Variants in RYK observed in about 807,000 individuals in gnomAD.
RYK encodes the protein inactive tyrosine-protein kinase RYK.
In RYK, 21 loss-of-function variants were observed where a neutral mutation model predicts 70.2. The observed-to-expected ratio is 0.30, with a 90% CI of 0.21 to 0.43. The LOEUF is 0.43. RYK is among the 20% of genes least tolerant of loss of function. The pLI, the probability that RYK is intolerant of heterozygous loss-of-function variation, is 1.00. For synonymous variants in RYK, 267 were observed against 278.0 expected (o/e 0.96, Z 0.39); for missense variants, 604 against 753.3 (o/e 0.80, Z 2.32).
At chr3:134,200,339 G>T (rs1252063690) in intron 6 of RYK, among the ~76,000 whole-genome samples, 1 of 152,070 alleles carries the variant, frequency 6.6e-6, no homozygotes, top group Non-Finnish European at 1.5e-5. Context: ...ACCTTTAAGA[G>T]CTATAACACT....
intron 9 of RYK, among the ~76,000 whole-genome samples, chr3:134,187,539 T>TA (rs2013503986): frequency 6.6e-6 from 1 of 152,102 alleles, no homozygotes; most frequent in South Asian, 2.1e-4. Flanking sequence ...AAATAAGACT[T>TA]ACCTCAGAAT....
At chr3:134,246,642 T>C (rs2015476238) in intron 1 of RYK, among the ~76,000 whole-genome samples, 1 of 152,044 alleles carries the variant, frequency 6.6e-6, no homozygotes. Context: ...TATGAAAAAA[T>C]GTATTTCTAC....
chr3:134,196,582 AACACACACACACACACACAC>A lies in RYK; in HGVS notation c.789-1420_789-1401del, dbSNP rs57185535. ...TAGTGAGACCCTGTCTCTGAAACAA[AACACACACACACACACACAC>A]ACACACACACACACACACACACACA... On this transcript the variant is annotated intron_variant, in intron 6 of 14. Transcript: ENST00000623711. Among the ~76,000 whole-genome samples, 14 of 128,496 alleles carry A rather than the reference AACACACACACACACACACAC, an allele frequency of 1.1e-4. No homozygotes were observed. The East Asian group carries it at 1.5e-3, about 14-fold the overall frequency. The allele number at this position is 128,496 out of a possible 152,430, so 84.3% of individuals were successfully genotyped here.
intron 10 of RYK, among the ~76,000 whole-genome samples, chr3:134,181,969 T>C (rs1398508420): frequency 1.3e-5 from 2 of 152,054 alleles, no homozygotes; most frequent in Non-Finnish European, 2.9e-5. Flanking sequence ...ATCGAGACCA[T>C]CGTGGCTAAC....
chr3:134,210,509 T>C (rs930327118), intron 3 of RYK, among the ~76,000 whole-genome samples: 1 of 152,218 alleles, frequency 6.6e-6, no homozygotes, highest in Non-Finnish European at 1.5e-5. Context: ...TTACTGCCCA[T>C]AAAAATTTAA....
chr3:134,223,435 T>G (rs1246522658), intron 1 of RYK, among the ~76,000 whole-genome samples: 7 of 152,100 alleles, frequency 4.6e-5, no homozygotes, highest in African/African-American at 1.7e-4. Flanking sequence ...TACTTTTCAG[T>G]GGCAAATCAA....
rs189855084 is a variant in RYK at position 134,230,594 on chromosome 3, T to C, written c.233-8055A>G. Among the ~76,000 whole-genome samples, 12 of 152,328 alleles carry C rather than the reference T, an allele frequency of 7.9e-5. 1 individual carries two copies. The highest frequency in any genetic ancestry group is 6.5e-4 in the Admixed American group (10 of 15,308). On this transcript the variant is annotated intron_variant, in intron 1 of 14. Transcript: ENST00000623711. ...GTATATACTAATATTTCCACTTATA[T>C]AAAGTTATAGAATAGGCAAAAGTAA... is the stretch of plus-strand genomic sequence containing the variant.
intron 1 of RYK, among the ~76,000 whole-genome samples, chr3:134,239,891 G>C (rs2015279025): frequency 6.6e-6 from 1 of 152,152 alleles, no homozygotes; most frequent in African/African-American, 2.4e-5. Flanking sequence ...TTTAAGTTGA[G>C]ATCTAGAAAG....
chr3:134,213,731 C>T (rs531954377), intron 2 of RYK, among the ~76,000 whole-genome samples: 2 of 152,198 alleles, frequency 1.3e-5, no homozygotes, highest in Non-Finnish European at 2.9e-5. Context: ...AGGGTCGGCA[C>T]TCTTTAGGAT....
At chr3:134,231,546 T>C (rs2015058728) in intron 1 of RYK, among the ~76,000 whole-genome samples, 2 of 152,182 alleles carry the variant, frequency 1.3e-5, no homozygotes, top group South Asian at 4.1e-4. Context: ...CTAGTTGGAC[T>C]TCAACTTGTG....
intron 13 of RYK, chr3:134,171,123 A>G (rs962408081): frequency 6.6e-6 from 1 of 152,190 alleles, no homozygotes; most frequent in African/African-American, 2.4e-5. Flanking sequence ...ATAACTAACT[A>G]AAGTAATTCT....
intron 1 of RYK, among the ~76,000 whole-genome samples, chr3:134,226,248 AGATT>A (rs1308994024): frequency 6.6e-6 from 1 of 152,158 alleles, no homozygotes; most frequent in East Asian, 1.9e-4. Context: ...AAAGATAAAA[AGATT>A]ATTATAAACA....
chr3:134,185,986 T>A (rs992808732), intron 9 of RYK, among the ~76,000 whole-genome samples: 16 of 152,192 alleles, frequency 1.1e-4, no homozygotes, highest in Non-Finnish European at 2.1e-4. Flanking sequence ...TCCTAGTCTT[T>A]TAATTACATA....
intron 1 of RYK, among the ~76,000 whole-genome samples, chr3:134,234,891 T>C (rs900386584): frequency 6.6e-6 from 1 of 152,052 alleles, no homozygotes; most frequent in African/African-American, 2.4e-5. Flanking sequence ...CAAATATAAG[T>C]ATGACCATGG....
At chr3:134,244,599 C>T (rs113694937) in intron 1 of RYK, among the ~76,000 whole-genome samples, 127 of 152,218 alleles carry the variant, frequency 8.3e-4, no homozygotes, top group African/African-American at 2.8e-3. Flanking sequence ...TAAATGCAAG[C>T]GATGAACCAG....
intron 1 of RYK, 28 bp downstream of exon 1, chr3:134,250,395 C>T: frequency 7.4e-7 from 1 of 1,350,186 alleles, no homozygotes; most frequent in Non-Finnish European, 9.6e-7. Context: ...CCCGACCTGC[C>T]CGCCCCGGCC....
Position 134,211,618 on chromosome 3 carries a change from G to C in RYK, c.355-11C>G. On this transcript the variant is annotated splice_polypyrimidine_tract_variant and intron_variant, in intron 2 of 14. Transcript: ENST00000623711. ...CAGCTTATATTCAACCTGTAAAATAGACAAAAATAAACAAAATGGACCTGT... is the reference window on the plus strand; with the variant it reads ...CAGCTTATATTCAACCTGTAAAATACACAAAAATAAACAAAATGGACCTGT... The C allele has an allele frequency of 6.3e-7, 1 of 1,593,900 alleles. No homozygotes were observed. The highest frequency in any genetic ancestry group is 8.6e-7 in the Non-Finnish European group (1 of 1,162,542).
Position 134,217,253 on chromosome 3 carries a change from C to T in RYK, c.354+5165G>A, listed in dbSNP as rs185241089. 5.9e-5 allele frequency among the ~76,000 whole-genome samples: 9 copies of T among 152,244 alleles called. No individual in the cohort carries two copies. The East Asian group carries it at 1.2e-3, about 20-fold the overall frequency. ...CTGGCAAACCTTAAAAAGCAAGAACCGAGGGTTTCTGATAAAGTATTAGAG... is the reference window on the plus strand; with the variant it reads ...CTGGCAAACCTTAAAAAGCAAGAACTGAGGGTTTCTGATAAAGTATTAGAG... On this transcript the variant is annotated intron_variant, in intron 2 of 14. Coordinates refer to ENST00000623711, the MANE Select transcript of RYK (RefSeq NM_002958.4).
intron 3 of RYK, among the ~76,000 whole-genome samples, chr3:134,210,383 C>T (rs1053431544): frequency 6.6e-6 from 1 of 151,450 alleles, no homozygotes; most frequent in African/African-American, 2.4e-5. Context: ...GGATAACAGA[C>T]TTCAGTGCAT....
Sources: gnomAD v4.1 joint callset for allele counts (sites outside exome capture counted in the v4.1 genomes callset) on GRCh38, gnomAD v4.1.1 for gene constraint, MANE v1.5 for transcripts, NCBI Gene and HGNC (gene_info 2026-07-23, HGNC 2026-07-21) for gene names.